The following SURF4 variants were observed in gnomAD, a reference collection of about 807,000 sequenced individuals.
SURF4 encodes surfeit locus protein 4.
Under a neutral mutation model 30.0 loss-of-function variants are expected in SURF4, and 3 were observed. The ratio of observed to expected loss-of-function variants is 0.10; its 90% CI spans 0.05 to 0.26. The LOEUF (loss-of-function observed/expected upper bound fraction) is 0.26. SURF4 is among the 10% of genes least tolerant of loss of function. The probability of loss-of-function intolerance (pLI) is 1.00; values close to 1 mark genes in which losing one functional copy is unlikely to be tolerated. For missense variants in SURF4, 217 were observed against 350.8 expected (o/e 0.62, Z 3.05); for synonymous variants, 143 against 139.9 (o/e 1.02, Z -0.16).
intron 1 of SURF4, among the ~76,000 whole-genome samples, chr9:133,375,564 C>T (rs1837847924): frequency 6.6e-6 from 1 of 152,216 alleles, no homozygotes; most frequent in Non-Finnish European, 1.5e-5. Flanking sequence ...GCTCCAAACG[C>T]CGAGGCGCTC....
chr9:133,375,786 CGG>C, intron 1 of SURF4, 134 bp downstream of exon 1: 1 of 907,100 alleles, frequency 1.1e-6, no homozygotes, highest in Non-Finnish European at 1.4e-6. Context: ...AGGGCCCGGG[CGG>C]GGGGGTCCCC....
intron 1 of SURF4, among the ~76,000 whole-genome samples, chr9:133,374,220 T>C (rs2130221047): frequency 1.3e-5 from 2 of 152,294 alleles, no homozygotes; most frequent in African/African-American, 4.8e-5. Context: ...AAGGTCTACC[T>C]GGTTCTTGAG....
chr9:133,376,234 G>A, upstream of SURF4: 1 of 1,290,422 alleles, frequency 7.7e-7, no homozygotes, highest in South Asian at 2.5e-5. Context: ...CGCGCTCGAC[G>A]CCACGCCTCT....
chr9:133,364,281 G>A (rs1837023258), intron 5 of SURF4, among the ~76,000 whole-genome samples: 1 of 152,202 alleles, frequency 6.6e-6, no homozygotes, highest in Non-Finnish European at 1.5e-5. Flanking sequence ...GAGAGCCTTG[G>A]CCAACCAAGG....
intron 1 of SURF4, 56 bp downstream of exon 1, chr9:133,375,866 C>G: frequency 8.2e-7 from 1 of 1,212,856 alleles, no homozygotes; most frequent in East Asian, 3.3e-5. Flanking sequence ...GACTCCGGAG[C>G]GGCCCGGGCG....
intron 5 of SURF4, 38 bp downstream of exon 5, chr9:133,364,802 A>C (rs2130109217): frequency 1.2e-6 from 2 of 1,610,326 alleles, no homozygotes; most frequent in Non-Finnish European, 1.7e-6. Flanking sequence ...CAGCATTCAC[A>C]GGAAACCAGA....
rs950021158 is a variant in SURF4 at position 133,375,998 on chromosome 9, G to C, written c.-29C>G. The C allele has an allele frequency of 1.7e-5, 21 of 1,214,830 alleles. No individual in the cohort carries two copies. The highest frequency in any genetic ancestry group is 3.3e-5 in the East Asian group (1 of 30,452). The allele number at this position is 1,214,830 out of a possible 1,614,324, so 75.3% of individuals were successfully genotyped here. On this transcript the variant is annotated 5_prime_UTR_variant, in exon 1 of 6. Coordinates refer to ENST00000371989, the MANE Select transcript of SURF4 (RefSeq NM_033161.4). ...GACGGCGGGAGGCTCGGCTCGGCTCGCTCGCTCGCTCGCTGGCTCTCGCCC... is the reference window on the plus strand; with the variant it reads ...GACGGCGGGAGGCTCGGCTCGGCTCCCTCGCTCGCTCGCTGGCTCTCGCCC...
intron 1 of SURF4, among the ~76,000 whole-genome samples, chr9:133,374,497 G>A (rs1247004683): frequency 6.6e-6 from 1 of 152,136 alleles, no homozygotes; most frequent in Non-Finnish European, 1.5e-5. Context: ...GGAGTTGGAG[G>A]TTGTGGTGTG....
intron 5 of SURF4, among the ~76,000 whole-genome samples, chr9:133,364,084 ATCCTCTC>A (rs1172031890): frequency 3.9e-5 from 6 of 152,130 alleles, no homozygotes; most frequent in Non-Finnish European, 5.9e-5. Context: ...GGCCAGAAAC[ATCCTCTC>A]TCCTCTCTCC....
At position 133,362,366 on chromosome 9, in the gene SURF4, A is replaced by G. The variant is rs1260182789; in HGVS notation, c.*1127T>C. 6.5e-6 allele frequency: 1 copy of G among 152,686 alleles called. No homozygotes were observed. Among genetic ancestry groups the G allele is most frequent in the Admixed American group, 6.5e-5 (1 of 15,290 alleles). 9.5% of individuals were successfully genotyped at this position (152,686 alleles called of 1,614,324 possible). A position where few individuals can be genotyped will look rare whatever the true frequency, so the allele number is the denominator to read the frequency against. On this transcript the variant is annotated 3_prime_UTR_variant, in exon 6 of 6. Transcript: ENST00000371989. ...GTTAGAAAACTTTAAATACAGGATT[A>G]AGATCAAATCGGTAAGGCATCACAA...
chr9:133,369,295 A>G (rs1166145035), intron 1 of SURF4, among the ~76,000 whole-genome samples: 2 of 152,196 alleles, frequency 1.3e-5, no homozygotes, highest in African/African-American at 4.8e-5. Context: ...TACCCAGAGA[A>G]TCACCAAGTG....
At chr9:133,364,371 T>C (rs1361561850) in intron 5 of SURF4, among the ~76,000 whole-genome samples, 1 of 152,116 alleles carries the variant, frequency 6.6e-6, no homozygotes, top group Non-Finnish European at 1.5e-5. Flanking sequence ...AGATTGACGA[T>C]GTTTTGGTCT....
intron 4 of SURF4, among the ~76,000 whole-genome samples, chr9:133,365,247 T>C (rs1055970980): frequency 6.6e-6 from 1 of 152,128 alleles, no homozygotes; most frequent in Non-Finnish European, 1.5e-5. Flanking sequence ...GACAGAGGTA[T>C]CTTTACAACT....
chr9:133,363,922 G>T lies in SURF4; in HGVS notation c.544-163C>A, dbSNP rs1836997712. On this transcript the variant is annotated intron_variant, in intron 5 of 5. Transcript: ENST00000371989. This position sits in a 1 kb window ranked among gnomAD's most constrained non-coding sequence, Gnocchi z 4.3. The stretch of plus-strand genomic sequence containing the variant: ...TGCAAGTAGGGAGATAAAAGCCAAA[G>T]GGAGGCAGGAGGCAATAAAGCACCA... 2 of 884,870 alleles carry T rather than the reference G, an allele frequency of 2.3e-6. No homozygotes were observed. Among genetic ancestry groups the T allele is most frequent in the South Asian group, 1.4e-5 (1 of 71,108 alleles). The allele number at this position is 884,870 out of a possible 1,614,324, so 54.8% of individuals were successfully genotyped here.
upstream of SURF4, chr9:133,376,449 C>A: frequency 6.4e-7 from 1 of 1,555,478 alleles, no homozygotes. Flanking sequence ...GGTGGACGCT[C>A]GCCCGTACGC....
At chr9:133,374,554 A>C (rs587712295) in intron 1 of SURF4, among the ~76,000 whole-genome samples, 1 of 152,102 alleles carries the variant, frequency 6.6e-6, no homozygotes, top group Non-Finnish European at 1.5e-5. Context: ...AGGTCAAAAC[A>C]CCATCTCAAA....
Position 133,375,992 on chromosome 9 carries a change from C to G in SURF4, c.-23G>C, listed in dbSNP as rs1269590774. The G allele has an allele frequency of 4.1e-6, 5 of 1,224,108 alleles. No individual in the cohort carries two copies. Among genetic ancestry groups the G allele is most frequent in the Non-Finnish European group, 5.1e-6 (5 of 980,716 alleles). The allele number at this position is 1,224,108 out of a possible 1,614,324, so 75.8% of individuals were successfully genotyped here. A position where few individuals can be genotyped will look rare whatever the true frequency, so the allele number is the denominator to read the frequency against. ...CATGGCGACGGCGGGAGGCTCGGCT[C>G]GGCTCGCTCGCTCGCTCGCTGGCTC... On this transcript the variant is annotated 5_prime_UTR_variant, in exon 1 of 6. Coordinates refer to ENST00000371989, the MANE Select transcript of SURF4 (RefSeq NM_033161.4).
In SURF4 at chr9:133,361,873, G is replaced by A. The variant is rs192053765; in HGVS notation, c.*1620C>T. The A allele has an allele frequency of 3.9e-5, 6 of 152,360 alleles. No individual in the cohort carries two copies. Among genetic ancestry groups the A allele is most frequent in the East Asian group, 1.9e-4 (1 of 5,184 alleles). The allele number at this position is 152,360 out of a possible 1,614,324, so 9.4% of individuals were successfully genotyped here. On this transcript the variant is annotated 3_prime_UTR_variant, in exon 6 of 6. Coordinates refer to ENST00000371989, the MANE Select transcript of SURF4 (RefSeq NM_033161.4). ...CTGTCATACGGCACTAACAGGGAGC[G>A]AGGTGTGGACCAAGAGACAGCCCTG...
intron 5 of SURF4, among the ~76,000 whole-genome samples, 179 bp downstream of exon 5, chr9:133,364,661 A>G (rs1837050658): frequency 6.6e-6 from 1 of 150,954 alleles, no homozygotes; most frequent in Non-Finnish European, 1.5e-5. Context: ...ACTGCACTCC[A>G]GCCTGGGGGA....
Sources: allele counts gnomAD v4.1 joint callset (sites outside exome capture counted in the v4.1 genomes callset), GRCh38; gene constraint gnomAD v4.1.1; non-coding constraint Gnocchi (gnomAD v3.1); transcripts MANE v1.5; gene names NCBI Gene and HGNC (gene_info 2026-07-23, HGNC 2026-07-21).